Variants in CLDN16 observed in about 807,000 individuals in gnomAD.
The protein encoded by CLDN16 is claudin-16.
CLDN16 carries 13 observed loss-of-function variants against 24.6 expected under a neutral mutation model. That is an observed-to-expected ratio of 0.53 (90% CI 0.34 to 0.84). CLDN16 has a LOEUF of 0.84. Among genes scored for constraint, CLDN16 ranks in the 40% least tolerant of loss-of-function variants. The pLI is 0.01. For synonymous variants in CLDN16, 116 were observed against 106.7 expected, an observed-to-expected ratio of 1.09 and a Z score of -0.54; for missense variants, 298 against 292.7, an observed-to-expected ratio of 1.02 and a Z score of -0.13.
the CLDN16 span, among the ~76,000 whole-genome samples, chr3:190,293,705 T>G: frequency 6.6e-6 from 1 of 152,174 alleles, no homozygotes; most frequent in Non-Finnish European, 1.5e-5. Flanking sequence ...TAATAATGGA[T>G]TGGACATAGC....
the CLDN16 span, among the ~76,000 whole-genome samples, chr3:190,294,411 TTAA>T: frequency 6.6e-6 from 1 of 152,188 alleles, no homozygotes; most frequent in Non-Finnish European, 1.5e-5. Context: ...AGACAATGTA[TTAA>T]TAGTCAAAGT....
Position 190,388,183 on chromosome 3 carries a change from C to T in CLDN16, c.-147C>T, listed in dbSNP as rs772401894. On this transcript the variant is annotated 5_prime_UTR_variant, in exon 1 of 5. Transcript: ENST00000264734. ...GTATTATTCTTACTGCAACTCAAGA[C>T]ACCTGCAGCAGGGCGTGAGAAAAAG... The T allele has an allele frequency of 3.1e-6, 5 of 1,614,096 alleles. No homozygotes were observed. In the Admixed American group the frequency reaches 8.3e-5, roughly 27 times the overall value.
At chr3:190,396,324 G>A (rs1156263717) in intron 1 of CLDN16, among the ~76,000 whole-genome samples, 1 of 152,116 alleles carries the variant, frequency 6.6e-6, no homozygotes, top group Non-Finnish European at 1.5e-5. Context: ...ATCAATGTAA[G>A]CTCTTCAGTC....
At chr3:190,389,562 G>A (rs1262270279) in intron 1 of CLDN16, among the ~76,000 whole-genome samples, 1 of 152,084 alleles carries the variant, frequency 6.6e-6, no homozygotes. Flanking sequence ...ACTTGAACAT[G>A]GCATTTCAAA....
At chr3:190,308,138 T>C in the CLDN16 span, 5 of 1,037,324 alleles carry the variant, frequency 4.8e-6, no homozygotes, top group African/African-American at 3.2e-5. Flanking sequence ...AACACATGGG[T>C]TTTTTGTTTG....
intron 1 of CLDN16, among the ~76,000 whole-genome samples, chr3:190,338,344 A>G (rs6804398): frequency 0.31 from 46,649 of 152,114 alleles, 7,537 homozygotes; most frequent in East Asian, 0.6. Flanking sequence ...AAGATTGTGT[A>G]CACTAGGATA....
the CLDN16 span, among the ~76,000 whole-genome samples, chr3:190,302,408 G>T: frequency 6.6e-6 from 1 of 152,092 alleles, no homozygotes; most frequent in Non-Finnish European, 1.5e-5. Context: ...CATGGCTGCT[G>T]GGTTGCACAA....
intron 3 of CLDN16, among the ~76,000 whole-genome samples, chr3:190,406,260 T>G (rs1402096448): frequency 1.3e-5 from 2 of 152,228 alleles, no homozygotes; most frequent in African/African-American, 4.8e-5. Flanking sequence ...ATCCTCAGAT[T>G]GTATTATAAA....
At chr3:190,309,152 C>G in the CLDN16 span, among the ~76,000 whole-genome samples, 1 of 152,194 alleles carries the variant, frequency 6.6e-6, no homozygotes, top group Admixed American at 6.5e-5. Flanking sequence ...GTTTCTCCTA[C>G]TCTCAAAGCA....
chr3:190,388,976 A>G (rs1284620805), intron 1 of CLDN16, among the ~76,000 whole-genome samples: 1 of 152,232 alleles, frequency 6.6e-6, no homozygotes, highest in Non-Finnish European at 1.5e-5. Context: ...AAAAGAAAAA[A>G]TGTTGAGGGA....
At chr3:190,350,090 G>C (rs2108635080) in intron 1 of CLDN16, among the ~76,000 whole-genome samples, 1 of 152,088 alleles carries the variant, frequency 6.6e-6, no homozygotes, top group African/African-American at 2.4e-5. Flanking sequence ...ACAGGGCAGG[G>C]CATGGAGACA....
At position 190,330,729 on chromosome 3, in the gene CLDN16, A is replaced by C. The variant is rs149353246; in HGVS notation, n.121+8068A>C. Among the ~76,000 whole-genome samples the C allele has an allele frequency of 4.1e-3, 625 of 152,300 alleles. 5 individuals carry two copies. Among genetic ancestry groups the C allele is most frequent in the African/African-American group, 0.014 (593 of 41,552 alleles). On this transcript the variant is annotated intron_variant and non_coding_transcript_variant, in intron 1 of 4. Transcript: ENST00000468220. ...AATGGGGTGAAGTGAGAGATTTTACAATGGAACAAGTTGCCTTATTGTGTC... is the reference window on the plus strand; with the variant it reads ...AATGGGGTGAAGTGAGAGATTTTACCATGGAACAAGTTGCCTTATTGTGTC...
At chr3:190,394,915 A>T (rs1466014387) in intron 1 of CLDN16, among the ~76,000 whole-genome samples, 3 of 152,116 alleles carry the variant, frequency 2.0e-5, no homozygotes, top group African/African-American at 7.2e-5. Context: ...GGGATATCTA[A>T]TAAGGTTGAT....
intron 1 of CLDN16, among the ~76,000 whole-genome samples, chr3:190,395,691 T>C (rs1290118520): frequency 6.6e-6 from 1 of 152,062 alleles, no homozygotes; most frequent in Admixed American, 6.6e-5. Context: ...GGTGTGAAAA[T>C]TATAAATTCT....
intron 1 of CLDN16, among the ~76,000 whole-genome samples, chr3:190,365,683 A>T (rs771713677): frequency 6.6e-6 from 1 of 151,232 alleles, no homozygotes; most frequent in Non-Finnish European, 1.5e-5. Flanking sequence ...TTTGTGTTTT[A>T]CTAATCTCCT....
chr3:190,318,972 A>G (rs572632188), upstream of CLDN16, among the ~76,000 whole-genome samples: 5 of 152,154 alleles, frequency 3.3e-5, no homozygotes, highest in African/African-American at 1.2e-4. Flanking sequence ...ACAGAATCTC[A>G]GGGTTCGGTG....
the CLDN16 span, among the ~76,000 whole-genome samples, chr3:190,297,787 A>AG: frequency 1.3e-5 from 2 of 149,696 alleles, no homozygotes; most frequent in Non-Finnish European, 3.0e-5. Context: ...TGAAAAAAAA[A>AG]AAACCTTTAC....
intron 1 of CLDN16, among the ~76,000 whole-genome samples, chr3:190,355,409 A>G (rs1717747323): frequency 6.6e-6 from 1 of 151,936 alleles, no homozygotes. Flanking sequence ...TTTCTCTTCA[A>G]ACTTTTGATT....
At chr3:190,393,651 G>A (rs1444000263) in intron 1 of CLDN16, among the ~76,000 whole-genome samples, 1 of 151,810 alleles carries the variant, frequency 6.6e-6, no homozygotes, top group Non-Finnish European at 1.5e-5. Context: ...CATAATGTTC[G>A]CTGAACAGAG....
Sources: allele counts gnomAD v4.1 joint callset (sites outside exome capture counted in the v4.1 genomes callset), GRCh38; gene constraint gnomAD v4.1.1; transcripts MANE v1.5; gene names NCBI Gene and HGNC (gene_info 2026-07-23, HGNC 2026-07-21).